The following NGLY1 variants were observed in gnomAD, a reference collection of about 807,000 sequenced individuals.
NGLY1 encodes peptide-N(4)-(N-acetyl-beta-glucosaminyl)asparagine amidase.
NGLY1 carries 68 observed loss-of-function variants against 84.6 expected under a neutral mutation model. That is an observed-to-expected ratio of 0.80 (90% CI 0.66 to 0.98). The LOEUF (loss-of-function observed/expected upper bound fraction) is 0.98. Among genes scored for constraint, NGLY1 ranks in the 50% least tolerant of loss-of-function variants. NGLY1 has a pLI of 0.00. For missense variants in NGLY1, 779 were observed against 770.2 expected, an observed-to-expected ratio of 1.01 and a Z score of -0.14; for synonymous variants, 280 against 275.2, an observed-to-expected ratio of 1.02 and a Z score of -0.17.
At chr3:25,737,786 C>A (rs996390376) in intron 5 of NGLY1, among the ~76,000 whole-genome samples, 1 of 152,018 alleles carries the variant, frequency 6.6e-6, no homozygotes, top group Admixed American at 6.6e-5. Context: ...CCTCGTGATT[C>A]GCCCGCCTCA....
At chr3:25,732,524 G>T (rs745483470) in intron 8 of NGLY1, 41 bp from the exon 9 acceptor site, 2 of 1,514,174 alleles carry the variant, frequency 1.3e-6, no homozygotes, top group South Asian at 2.3e-5. Context: ...AAGATTAGGG[G>T]AATGTATAGG....
rs896247480 is a variant in NGLY1 at position 25,789,729 on chromosome 3, C to T, written c.5+132G>A. ...GCGAGCTATAGCAATAACTTTGAAA[C>T]TGCAGAGAATTTCCTTAATTCTTTC... On this transcript the variant is annotated intron_variant, in intron 1 of 11. Coordinates refer to the NGLY1 transcript ENST00000417874. 7 of 1,159,286 alleles carry T rather than the reference C, an allele frequency of 6.0e-6. No individual in the cohort carries two copies. The Admixed American group carries it at 8.4e-5, about 14-fold the overall frequency. 71.8% of individuals were successfully genotyped at this position (1,159,286 alleles called of 1,614,324 possible). A position where few individuals can be genotyped will look rare whatever the true frequency, so the allele number is the denominator to read the frequency against.
chr3:25,783,423 T>G lies in NGLY1; in HGVS notation c.-33A>C, dbSNP rs759399112. The G allele has an allele frequency of 6.6e-7, 1 of 1,516,846 alleles. No individual in the cohort carries two copies. The highest frequency in any genetic ancestry group is 8.8e-7 in the Non-Finnish European group (1 of 1,133,696). The allele number at this position is 1,516,846 out of a possible 1,614,324, so 94.0% of individuals were successfully genotyped here. ...CGCCAGCGGGCGCCGCCGCCGCCCCTCGCTCTCCGCGTCCCACACTGAGCA... is the reference window on the plus strand; with the variant it reads ...CGCCAGCGGGCGCCGCCGCCGCCCCGCGCTCTCCGCGTCCCACACTGAGCA... On this transcript the variant is annotated 5_prime_UTR_variant, in exon 1 of 12. Transcript: ENST00000280700. The surrounding 1 kb of genome is among the most constrained non-coding windows in gnomAD (Gnocchi z 4.5).
Position 25,732,344 on chromosome 3 carries a change from A to T in NGLY1, c.1400T>A (p.Val467Glu), listed in dbSNP as rs753137266. 17 of 1,613,364 alleles carry T rather than the reference A, an allele frequency of 1.1e-5. No homozygotes were observed. Among genetic ancestry groups the T allele is most frequent in the Non-Finnish European group, 1.4e-5 (17 of 1,179,588 alleles). ...CTGTAGACCCATTTCACCTCGGGCT[A>T]CTCTCCAAGCCACTGACCCAGATAT... ...GRISGSVAWRVARGEMGLQRK... is the reference protein window; with the variant it reads ...GRISGSVAWREARGEMGLQRK... Residue 467 changes from valine to glutamate, a missense_variant, in exon 9 of 12, where the codon GTA (valine) becomes GAA (glutamate). Transcript: ENST00000280700.
Position 25,783,295 on chromosome 3 carries a change from G to A in NGLY1, c.96C>T (p.Ser32=), listed in dbSNP as rs1454302547. 3.1e-6 allele frequency: 5 copies of A among 1,608,330 alleles called. No homozygotes were observed. The Admixed American group carries it at 6.7e-5, about 22-fold the overall frequency. The change falls in exon 1 of 12, where the codon TCC becomes TCT. Residue 32 remains serine, a synonymous_variant. Coordinates refer to ENST00000280700, the MANE Select transcript of NGLY1 (RefSeq NM_018297.4). The surrounding 1 kb of genome is among the most constrained non-coding windows in gnomAD (Gnocchi z 4.5). ...QNTPETFLEA[S]KLLLTYADNI... The stretch of plus-strand genomic sequence containing the variant: ...TGTCAGCATAGGTGAGCAGCAGCTT[G>A]GAGGCCTCCAAAAAGGTCTCCGGGG...
intron 8 of NGLY1, 22 bp downstream of exon 8, chr3:25,733,849 CA>C (rs1559533887): frequency 6.5e-7 from 1 of 1,545,434 alleles, no homozygotes; most frequent in Non-Finnish European, 8.8e-7. Context: ...ACTGTTCTTT[CA>C]AAAAAGATAG....
chr3:25,773,350 ATTGGG>A (rs376362654), intron 2 of NGLY1, among the ~76,000 whole-genome samples: 1 of 151,974 alleles, frequency 6.6e-6, no homozygotes, highest in African/African-American at 2.4e-5. Flanking sequence ...TCTTTGTTGG[ATTGGG>A]TTAATACGAA....
chr3:25,789,742 C>G, intron 1 of NGLY1: 1 of 1,229,982 alleles, frequency 8.1e-7, no homozygotes. Flanking sequence ...CAGAGAATTT[C>G]CTTAATTCTT....
intron 3 of NGLY1, among the ~76,000 whole-genome samples, chr3:25,761,373 T>C (rs531619520): frequency 6.4e-4 from 98 of 152,320 alleles, no homozygotes; most frequent in African/African-American, 2.2e-3. Flanking sequence ...GAATCTGCTT[T>C]TGGAAGGCAA....
chr3:25,728,679 G>A (rs1265360962), intron 10 of NGLY1, among the ~76,000 whole-genome samples: 2 of 152,142 alleles, frequency 1.3e-5, no homozygotes. Context: ...TGAAGTGAAT[G>A]CCTGTTAGAT....
At position 25,754,098 on chromosome 3, in the gene NGLY1, C is replaced by T. The variant is rs1167874820; in HGVS notation, c.493-2835G>A. ...AGACCAAAATAGATATGGACATTAC[C>T]CTCAAAAAGCAAGTAGTCTATGGAT... On this transcript the variant is annotated intron_variant, in intron 3 of 11. Transcript: ENST00000280700. Among the ~76,000 whole-genome samples the T allele has an allele frequency of 3.3e-5, 5 of 152,074 alleles. No individual in the cohort carries two copies. The South Asian group carries it at 1.0e-3, about 32-fold the overall frequency.
upstream of NGLY1, among the ~76,000 whole-genome samples, chr3:25,787,231 G>A (rs1402213700): frequency 1.3e-5 from 2 of 152,132 alleles, no homozygotes; most frequent in African/African-American, 4.8e-5. Flanking sequence ...AAATTGAGAG[G>A]TTGAGAAGGT....
At chr3:25,766,464 G>T (rs1384414000) in intron 2 of NGLY1, among the ~76,000 whole-genome samples, 1 of 152,136 alleles carries the variant, frequency 6.6e-6, no homozygotes, top group African/African-American at 2.4e-5. Flanking sequence ...GACCTTAATC[G>T]TTATGCTATA....
At chr3:25,739,102 G>A (rs1444184065) in intron 5 of NGLY1, among the ~76,000 whole-genome samples, 2 of 152,048 alleles carry the variant, frequency 1.3e-5, no homozygotes, top group African/African-American at 2.4e-5. Context: ...ATAATCATCC[G>A]ATGATAATAT....
At chr3:25,738,363 C>G (rs1326008567) in intron 5 of NGLY1, among the ~76,000 whole-genome samples, 1 of 152,042 alleles carries the variant, frequency 6.6e-6, no homozygotes, top group African/African-American at 2.4e-5. Context: ...TTGTAACATT[C>G]TTTTCAGAAG....
intron 10 of NGLY1, among the ~76,000 whole-genome samples, chr3:25,721,535 C>T (rs969856159): frequency 2.0e-5 from 3 of 151,718 alleles, no homozygotes; most frequent in South Asian, 2.1e-4. Flanking sequence ...AGGTGGATCA[C>T]GAGGTCAGGA....
chr3:25,746,288 C>T (rs1251352978), intron 4 of NGLY1, among the ~76,000 whole-genome samples: 1 of 152,170 alleles, frequency 6.6e-6, no homozygotes, highest in Non-Finnish European at 1.5e-5. Flanking sequence ...AAATCCCACT[C>T]ATCCTTCATG....
At chr3:25,723,088 G>T (rs1432785980) in intron 10 of NGLY1, among the ~76,000 whole-genome samples, 4 of 152,106 alleles carry the variant, frequency 2.6e-5, no homozygotes, top group Non-Finnish European at 5.9e-5. Context: ...AAAAGTGTGG[G>T]TATAAAATAT....
At chr3:25,727,598 T>A (rs918981696) in intron 10 of NGLY1, among the ~76,000 whole-genome samples, 2 of 152,172 alleles carry the variant, frequency 1.3e-5, no homozygotes, top group Non-Finnish European at 2.9e-5. Context: ...GCACTCTGCA[T>A]CATGGTTAAG....
Sources: gnomAD v4.1 joint callset for allele counts (sites outside exome capture counted in the v4.1 genomes callset) on GRCh38, gnomAD v4.1.1 for gene constraint, Gnocchi (gnomAD v3.1) non-coding constraint, MANE v1.5 for transcripts, NCBI Gene and HGNC (gene_info 2026-07-23, HGNC 2026-07-21) for gene names.